Variants in SHROOM4 observed in about 807,000 individuals in gnomAD.
The protein encoded by SHROOM4 is shroom family member 4.
Under a neutral mutation model 80.3 loss-of-function variants are expected in SHROOM4, and 17 were observed. The ratio of observed to expected loss-of-function variants is 0.21; its 90% CI spans 0.14 to 0.32. The LOEUF (loss-of-function observed/expected upper bound fraction) is 0.32, where lower values mean the gene tolerates loss of function less well. SHROOM4 is among the 10% of genes least tolerant of loss of function. The pLI is 1.00. For missense variants in SHROOM4, 993 were observed against 1,140.3 expected (o/e 0.87, Z 1.86); for synonymous variants, 400 against 437.5 (o/e 0.91, Z 1.07).
At chrX:50,766,567 C>T (rs1042027993) in intron 1 of SHROOM4, among the ~76,000 whole-genome samples, 8 of 110,765 alleles carry the variant, frequency 7.2e-5, no homozygotes, top group African/African-American at 2.6e-4. Context: ...TGAATAAATT[C>T]CAGATGGGCC....
At position 50,650,476 on chromosome X, in the gene SHROOM4, G is replaced by A. The variant is rs782233395; in HGVS notation, c.270-12168C>T. ...AGAGATGGCCCTGCCTCAGCCTCCC[G>A]AGTAGCCGGGACTGCAGGCACGTGC... is the stretch of plus-strand genomic sequence containing the variant. On this transcript the variant is annotated intron_variant, in intron 2 of 8. Coordinates refer to ENST00000376020, the MANE Select transcript of SHROOM4 (RefSeq NM_020717.5). Among the ~76,000 whole-genome samples the A allele has an allele frequency of 6.3e-5, 7 of 110,683 alleles. No individual in the cohort carries two copies. In the South Asian group the frequency reaches 2.7e-3, roughly 43 times the overall value.
intron 2 of SHROOM4, among the ~76,000 whole-genome samples, chrX:50,694,080 T>C (rs1933297594): frequency 8.9e-6 from 1 of 111,871 alleles, no homozygotes; most frequent in South Asian, 3.7e-4. Flanking sequence ...TTCCATTGTA[T>C]ATATATTCCC....
At chrX:50,698,518 GAA>G (rs1557263263) in intron 1 of SHROOM4, among the ~76,000 whole-genome samples, 1 of 111,643 alleles carries the variant, frequency 9.0e-6, no homozygotes, top group Non-Finnish European at 1.9e-5. Context: ...CCATTTGGTT[GAA>G]GATCCCTTCA....
chrX:50,621,417 C>T (rs782303418), intron 5 of SHROOM4, among the ~76,000 whole-genome samples: 134 of 111,304 alleles, frequency 1.2e-3, no homozygotes, highest in Middle Eastern at 4.7e-3. Context: ...TTGGTATTTC[C>T]GCCCACTTAC....
intron 2 of SHROOM4, among the ~76,000 whole-genome samples, chrX:50,675,792 C>T (rs1557261224): frequency 9.0e-6 from 1 of 111,418 alleles, no homozygotes; most frequent in Non-Finnish European, 1.9e-5. Context: ...TCCAATGTTC[C>T]TTTTTGACTA....
intron 1 of SHROOM4, among the ~76,000 whole-genome samples, chrX:50,811,609 A>G (rs782444931): frequency 1.8e-5 from 2 of 111,865 alleles, no homozygotes; most frequent in African/African-American, 6.5e-5. Context: ...CAAGGTTGAA[A>G]AATGAAGAGG....
At chrX:50,794,718 T>C (rs1400362698) in intron 1 of SHROOM4, among the ~76,000 whole-genome samples, 1 of 107,322 alleles carries the variant, frequency 9.3e-6, no homozygotes, top group African/African-American at 3.4e-5. Context: ...TGTGGTGAGG[T>C]ACCTACCTAC....
At chrX:50,753,883 G>A (rs1934977570) in intron 1 of SHROOM4, among the ~76,000 whole-genome samples, 1 of 111,562 alleles carries the variant, frequency 9.0e-6, no homozygotes. Flanking sequence ...TATTTGAGAT[G>A]CTCCCAAGAA....
At chrX:50,796,625 G>C (rs1370832746) in intron 1 of SHROOM4, among the ~76,000 whole-genome samples, 1 of 111,800 alleles carries the variant, frequency 8.9e-6, no homozygotes, top group Non-Finnish European at 1.9e-5. Flanking sequence ...TTCTTGGATA[G>C]AAGAAGTGTC....
At chrX:50,597,630 A>G (rs1929175420) in intron 8 of SHROOM4, among the ~76,000 whole-genome samples, 1 of 111,438 alleles carries the variant, frequency 9.0e-6, no homozygotes, top group South Asian at 3.9e-4. Context: ...ACCCTGTCCC[A>G]GGCCCTGTTT....
intron 1 of SHROOM4, among the ~76,000 whole-genome samples, chrX:50,715,339 G>C (rs1933923477): frequency 9.0e-6 from 1 of 111,231 alleles, no homozygotes; most frequent in African/African-American, 3.3e-5. Flanking sequence ...TCTCATACCT[G>C]TGTCCCCAGC....
intron 2 of SHROOM4, among the ~76,000 whole-genome samples, chrX:50,656,560 T>G (rs1932312653): frequency 1.8e-5 from 2 of 112,052 alleles, no homozygotes; most frequent in South Asian, 7.4e-4. Context: ...CAGTTGACTG[T>G]AAATGTGTGG....
chrX:50,685,237 G>C (rs1470118508), intron 2 of SHROOM4, among the ~76,000 whole-genome samples: 1 of 111,716 alleles, frequency 9.0e-6, no homozygotes, highest in Non-Finnish European at 1.9e-5. Flanking sequence ...GGGAATAAAA[G>C]AGGGAATTTA....
chrX:50,812,694 T>A (rs921852269), intron 1 of SHROOM4, among the ~76,000 whole-genome samples: 1 of 110,841 alleles, frequency 9.0e-6, no homozygotes, highest in Non-Finnish European at 1.9e-5. Flanking sequence ...GGGTGTGTGT[T>A]GCGGTGGACG....
chrX:50,643,346 G>C (rs1271816372), intron 2 of SHROOM4: 1 of 111,775 alleles, frequency 8.9e-6, no homozygotes, highest in African/African-American at 3.3e-5. Flanking sequence ...GCTTGGGAGA[G>C]AGCGGGGTAT....
intron 5 of SHROOM4, among the ~76,000 whole-genome samples, chrX:50,610,352 T>TCTCTCTCACACACACACACA (rs782591424): frequency 4.4e-4 from 40 of 91,705 alleles, no homozygotes; most frequent in African/African-American, 1.0e-3. Context: ...TCTCTCTCTC[T>TCTCTCTCACACACACACACA]CACACACACA....
chrX:50,651,671 T>G (rs782216575), intron 2 of SHROOM4, among the ~76,000 whole-genome samples: 4 of 111,612 alleles, frequency 3.6e-5, no homozygotes, highest in South Asian at 3.9e-4. Flanking sequence ...TCATGGTGGT[T>G]TGATGCACCC....
chrX:50,793,506 T>C (rs59061244), intron 1 of SHROOM4, among the ~76,000 whole-genome samples: 5,841 of 106,896 alleles, frequency 0.055, 425 homozygotes, highest in African/African-American at 0.19. Context: ...GAATATACTT[T>C]CTGACATCGA....
At chrX:50,813,160 T>TGGCGGC (rs781798597) in intron 1 of SHROOM4, among the ~76,000 whole-genome samples, 38,739 of 101,672 alleles carry the variant, frequency 0.38, 5,783 homozygotes, top group East Asian at 0.58. Context: ...GCGGCGGCAG[T>TGGCGGC]GGCGGCGGCG....
Sources: gnomAD v4.1 joint callset for allele counts (sites outside exome capture counted in the v4.1 genomes callset) on GRCh38, gnomAD v4.1.1 for gene constraint, MANE v1.5 for transcripts, NCBI Gene and HGNC (gene_info 2026-07-23, HGNC 2026-07-21) for gene names.